Variants in NUSAP1 observed in about 807,000 individuals in gnomAD.
The protein encoded by NUSAP1 is nucleolar and spindle-associated protein 1.
NUSAP1 carries 32 observed loss-of-function variants against 52.8 expected under a neutral mutation model. The ratio of observed to expected loss-of-function variants is 0.61; its 90% CI spans 0.46 to 0.81. The LOEUF (loss-of-function observed/expected upper bound fraction) is 0.81, where lower values mean the gene tolerates loss of function less well. Ranked by LOEUF, NUSAP1 falls within the 40% of genes least tolerant of loss-of-function variation. The pLI is 0.00. For missense variants in NUSAP1, 499 were observed against 522.3 expected (o/e 0.96, Z 0.43); for synonymous variants, 195 against 183.1 (o/e 1.06, Z -0.52).
chr15:41,341,356 G>A (rs551290327), intron 1 of NUSAP1, among the ~76,000 whole-genome samples: 25 of 152,068 alleles, frequency 1.6e-4, no homozygotes, highest in African/African-American at 5.5e-4. Flanking sequence ...GAGCCACCCC[G>A]CTCAACCAAA....
At chr15:41,336,217 G>A (rs528847386) in intron 1 of NUSAP1, among the ~76,000 whole-genome samples, 3 of 151,414 alleles carry the variant, frequency 2.0e-5, no homozygotes, top group African/African-American at 7.3e-5. Context: ...AGTGAGCCAA[G>A]ATCACACCAT....
intron 2 of NUSAP1, among the ~76,000 whole-genome samples, chr15:41,347,924 A>C (rs763674875): frequency 1.3e-5 from 2 of 151,950 alleles, no homozygotes; most frequent in Non-Finnish European, 2.9e-5. Context: ...GGAGTTCACA[A>C]CCAGCCTGGG....
intron 7 of NUSAP1, among the ~76,000 whole-genome samples, chr15:41,368,744 T>C (rs1369376711): frequency 7.1e-6 from 1 of 141,554 alleles, no homozygotes; most frequent in African/African-American, 2.6e-5. Flanking sequence ...TTTTTTTTTT[T>C]TTTTTTTTGA....
intron 5 of NUSAP1, 50 bp downstream of exon 5, chr15:41,356,190 A>C: frequency 9.7e-7 from 1 of 1,030,692 alleles, no homozygotes; most frequent in Non-Finnish European, 1.5e-6. Flanking sequence ...CCCACTTCGG[A>C]ATGATGTTGG....
At chr15:41,363,942 A>G (rs146798279) in intron 6 of NUSAP1, among the ~76,000 whole-genome samples, 2 of 152,210 alleles carry the variant, frequency 1.3e-5, no homozygotes, top group African/African-American at 2.4e-5. Context: ...GTTTGGGGAT[A>G]GAGGGAGAGG....
chr15:41,365,362 G>A lies in NUSAP1; in HGVS notation c.661-40G>A, dbSNP rs2049352154. On this transcript the variant is annotated intron_variant, in intron 6 of 10. Coordinates refer to ENST00000559596, the MANE Select transcript of NUSAP1 (RefSeq NM_016359.5). Reference sequence around the variant, plus strand: ...AGTAGAGATGGGGTTTCACCATGTTGGAGAGGCCAAGCTTTTAAAATGATG... The same window carrying A: ...AGTAGAGATGGGGTTTCACCATGTTAGAGAGGCCAAGCTTTTAAAATGATG... 4 of 1,521,316 alleles carry A rather than the reference G, an allele frequency of 2.6e-6. No homozygotes were observed. In the East Asian group the frequency reaches 9.4e-5, roughly 36 times the overall value. 94.2% of individuals were successfully genotyped at this position (1,521,316 alleles called of 1,614,324 possible).
intron 6 of NUSAP1, among the ~76,000 whole-genome samples, chr15:41,363,079 G>A (rs1452111614): frequency 3.3e-5 from 5 of 151,928 alleles, no homozygotes. Context: ...CTGAGGTCAG[G>A]AGTTCAAGAC....
At chr15:41,346,597 G>A (rs1326624494) in intron 2 of NUSAP1, among the ~76,000 whole-genome samples, 1 of 151,906 alleles carries the variant, frequency 6.6e-6, no homozygotes, top group Non-Finnish European at 1.5e-5. Flanking sequence ...GGGAGGCCGA[G>A]GTGGGTGGAT....
At chr15:41,341,355 C>G (rs945076542) in intron 1 of NUSAP1, among the ~76,000 whole-genome samples, 2 of 152,122 alleles carry the variant, frequency 1.3e-5, no homozygotes, top group Non-Finnish European at 2.9e-5. Context: ...TGAGCCACCC[C>G]GCTCAACCAA....
chr15:41,334,143 G>C (rs1007932034), intron 1 of NUSAP1, among the ~76,000 whole-genome samples: 4 of 152,074 alleles, frequency 2.6e-5, no homozygotes, highest in African/African-American at 9.7e-5. Context: ...CTTTGAGACG[G>C]AGTCTTGCTC....
chr15:41,333,108 G>A, intron 1 of NUSAP1, 58 bp downstream of exon 1: 1 of 1,346,210 alleles, frequency 7.4e-7, no homozygotes, highest in Non-Finnish European at 1.0e-6. Context: ...CGGCCTCGGG[G>A]AGATGCGGTG....
At chr15:41,349,000 C>G in intron 2 of NUSAP1, 98 bp from the exon 3 acceptor site, 1 of 1,224,792 alleles carries the variant, frequency 8.2e-7, no homozygotes, top group South Asian at 1.5e-5. Flanking sequence ...TTTTCTTTTG[C>G]ATATGTAATA....
chr15:41,378,366 A>G (rs1450150900), intron 10 of NUSAP1, among the ~76,000 whole-genome samples: 1 of 152,206 alleles, frequency 6.6e-6, no homozygotes, highest in African/African-American at 2.4e-5. Context: ...AGTTAAAGCC[A>G]GAGCTCATCC....
chr15:41,368,728 C>CTTTTTTTTTTTTTTTTTTTTTTTTTTTTT (rs57501156), intron 7 of NUSAP1, among the ~76,000 whole-genome samples: 1 of 77,918 alleles, frequency 1.3e-5, no homozygotes. Flanking sequence ...TTATTTTATT[C>CTTTTTTTTTTTTTTTTTTTTTTTTTTTTT]TTTTTTTTTT....
chr15:41,346,861 A>G (rs2048595175), intron 2 of NUSAP1, among the ~76,000 whole-genome samples: 1 of 149,594 alleles, frequency 6.7e-6, no homozygotes, highest in African/African-American at 2.5e-5. Context: ...ATAAATAAAT[A>G]AATAAATAAA....
intron 6 of NUSAP1, among the ~76,000 whole-genome samples, chr15:41,363,901 T>G (rs1392465413): frequency 1.3e-5 from 2 of 152,138 alleles, no homozygotes; most frequent in African/African-American, 4.8e-5. Flanking sequence ...CTCTTTTTGT[T>G]TTTTGTTTTA....
chr15:41,366,679 A>C (rs2049431291), intron 7 of NUSAP1, among the ~76,000 whole-genome samples: 1 of 152,156 alleles, frequency 6.6e-6, no homozygotes, highest in Non-Finnish European at 1.5e-5. Flanking sequence ...TATCTCACTG[A>C]GTTCCCTTAA....
intron 4 of NUSAP1, among the ~76,000 whole-genome samples, chr15:41,352,528 G>T (rs747694918): frequency 6.6e-6 from 1 of 151,806 alleles, no homozygotes; most frequent in East Asian, 1.9e-4. Context: ...GGTCTGAGAT[G>T]GGCTTGGGAA....
At chr15:41,346,964 G>A (rs2048599196) in intron 2 of NUSAP1, among the ~76,000 whole-genome samples, 1 of 151,766 alleles carries the variant, frequency 6.6e-6, no homozygotes, top group South Asian at 2.1e-4. Flanking sequence ...GCTGAGGTCA[G>A]GAGTTCGAGA....
Sources: allele counts gnomAD v4.1 joint callset (sites outside exome capture counted in the v4.1 genomes callset), GRCh38; gene constraint gnomAD v4.1.1; transcripts MANE v1.5; gene names NCBI Gene and HGNC (gene_info 2026-07-23, HGNC 2026-07-21).